Variants in NRXN3 observed in about 807,000 individuals in gnomAD.
NRXN3 encodes the protein neurexin III.
In NRXN3, 32 loss-of-function variants were observed where a neutral mutation model predicts 137.6. The ratio of observed to expected loss-of-function variants is 0.23; its 90% CI spans 0.18 to 0.31. The LOEUF is 0.31. Among genes scored for constraint, NRXN3 ranks in the 10% least tolerant of loss-of-function variants. The probability of loss-of-function intolerance (pLI) is 1.00; values close to 1 mark genes in which losing one functional copy is unlikely to be tolerated. For synonymous variants in NRXN3, 798 were observed against 784.5 expected, an observed-to-expected ratio of 1.02 and a Z score of -0.29; for missense variants, 1,574 against 2,062.5, an observed-to-expected ratio of 0.76 and a Z score of 4.59.
At chr14:78,848,536 A>G (rs1354583259) in intron 10 of NRXN3, among the ~76,000 whole-genome samples, 1 of 152,166 alleles carries the variant, frequency 6.6e-6, no homozygotes, top group Admixed American at 6.6e-5. Flanking sequence ...GAGTTTTAGA[A>G]TACTTTATTT....
At chr14:78,392,221 C>T (rs941398809) in intron 4 of NRXN3, among the ~76,000 whole-genome samples, 76 of 152,256 alleles carry the variant, frequency 5.0e-4, no homozygotes, top group Admixed American at 4.9e-3. Flanking sequence ...ACAGAGATGG[C>T]CTAACCATCC....
intron 4 of NRXN3, among the ~76,000 whole-genome samples, chr14:78,410,858 G>A (rs1006124671): frequency 6.6e-6 from 1 of 152,216 alleles, no homozygotes; most frequent in South Asian, 2.1e-4. Flanking sequence ...GATTAGGGGA[G>A]TTATTAGACA....
chr14:78,344,630 C>T (rs2082508624), intron 4 of NRXN3, among the ~76,000 whole-genome samples: 1 of 152,182 alleles, frequency 6.6e-6, no homozygotes, highest in South Asian at 2.1e-4. Context: ...TTCTTGGGGG[C>T]ACTTTGATAA....
At chr14:79,132,063 C>G (rs1053114968) in intron 15 of NRXN3, among the ~76,000 whole-genome samples, 1 of 152,240 alleles carries the variant, frequency 6.6e-6, no homozygotes, top group Non-Finnish European at 1.5e-5. Context: ...CACCCACTGA[C>G]CTGCGCGCAC....
chr14:79,406,519 T>C (rs2095315970), intron 15 of NRXN3, among the ~76,000 whole-genome samples: 1 of 151,986 alleles, frequency 6.6e-6, no homozygotes, highest in Admixed American at 6.6e-5. Context: ...GCCCAGCTGG[T>C]CTAGATCTCC....
chr14:78,801,457 AG>A (rs1460027693), intron 8 of NRXN3, among the ~76,000 whole-genome samples: 1 of 152,204 alleles, frequency 6.6e-6, no homozygotes, highest in Non-Finnish European at 1.5e-5. Context: ...CTTTTTCACA[AG>A]GCGGCAGGAG....
At chr14:79,532,412 G>C (rs1003885425) in intron 16 of NRXN3, among the ~76,000 whole-genome samples, 4 of 152,004 alleles carry the variant, frequency 2.6e-5, no homozygotes, top group African/African-American at 9.7e-5. Context: ...TTCTTTCATG[G>C]AGCCCCATAG....
At chr14:79,091,097 C>T (rs1292835693) in intron 15 of NRXN3, among the ~76,000 whole-genome samples, 1 of 150,444 alleles carries the variant, frequency 6.6e-6, no homozygotes, top group African/African-American at 2.4e-5. Flanking sequence ...AAAAGTGGTC[C>T]AAAGCAGACA....
intron 2 of NRXN3, among the ~76,000 whole-genome samples, chr14:78,276,758 G>C (rs2073657879): frequency 6.6e-6 from 1 of 152,156 alleles, no homozygotes; most frequent in Admixed American, 6.5e-5. Context: ...AAGGAATTCT[G>C]TCTCCCTGTG....
intron 10 of NRXN3, among the ~76,000 whole-genome samples, chr14:78,950,275 C>A (rs2152943528): frequency 6.6e-6 from 1 of 152,292 alleles, no homozygotes; most frequent in Non-Finnish European, 1.5e-5. Context: ...CTGTCCCCAG[C>A]TTACCACTGC....
At chr14:79,018,282 AAAAAAAAAAAAAAAGAG>A (rs1385825778) in intron 15 of NRXN3, among the ~76,000 whole-genome samples, 5 of 59,754 alleles carry the variant, frequency 8.4e-5, no homozygotes, top group Admixed American at 2.6e-4. Flanking sequence ...AAAAAAAAAA[AAAAAAAAAAAAAAAGAG>A]AGAGAGCAAG....
intron 16 of NRXN3, among the ~76,000 whole-genome samples, chr14:79,590,416 TA>T (rs11419735): frequency 0.018 from 1,682 of 92,276 alleles, 54 homozygotes; most frequent in Admixed American, 0.092. Flanking sequence ...TTTCTTTTGT[TA>T]AAAAAAAAAA....
chr14:78,852,857 TTG>T, intron 10 of NRXN3, among the ~76,000 whole-genome samples: 1 of 151,626 alleles, frequency 6.6e-6, no homozygotes. Flanking sequence ...GTAACACATT[TTG>T]TGTGTGTGTG....
At chr14:78,446,210 T>C (rs780032014) in intron 4 of NRXN3, among the ~76,000 whole-genome samples, 1 of 152,208 alleles carries the variant, frequency 6.6e-6, no homozygotes, top group South Asian at 2.1e-4. Context: ...GCTTTAGATT[T>C]TTGGGCTACT....
intron 15 of NRXN3, among the ~76,000 whole-genome samples, chr14:79,016,957 G>C (rs1405481942): frequency 6.6e-6 from 1 of 152,146 alleles, no homozygotes. Flanking sequence ...ATGGGGAAAA[G>C]GCTCGTGGGC....
chr14:78,867,398 A>C (rs191687146), intron 10 of NRXN3, among the ~76,000 whole-genome samples: 2 of 152,334 alleles, frequency 1.3e-5, no homozygotes, highest in African/African-American at 4.8e-5. Flanking sequence ...TCTATTCTGT[A>C]TTCATAGAAA....
chr14:79,174,503 A>T (rs923923493), intron 15 of NRXN3, among the ~76,000 whole-genome samples: 1 of 146,324 alleles, frequency 6.8e-6, no homozygotes, highest in Non-Finnish European at 1.5e-5. Context: ...TGAAAGTTTT[A>T]TATATATATA....
intron 4 of NRXN3, among the ~76,000 whole-genome samples, chr14:78,334,800 G>T (rs2081262981): frequency 6.6e-6 from 1 of 152,236 alleles, no homozygotes; most frequent in South Asian, 2.1e-4. Context: ...CCCTGTTGGA[G>T]TAAGAGGGAC....
rs112119078 is a variant in NRXN3, at chr14:79,648,208, AC to A, written c.3445-15569del. Among the ~76,000 whole-genome samples, 74 of 132,652 alleles carry A rather than the reference AC, an allele frequency of 5.6e-4. 2 individuals carry two copies. The highest frequency in any genetic ancestry group is 3.9e-3 in the Middle Eastern group (1 of 254). 87.0% of individuals were successfully genotyped at this position (132,652 alleles called of 152,430 possible). A position where few individuals can be genotyped will look rare whatever the true frequency, so the allele number is the denominator to read the frequency against. On this transcript the variant is annotated intron_variant, in intron 16 of 20. Transcript: ENST00000335750. The stretch of plus-strand genomic sequence containing the variant: ...ACAAAACAAACAAACAAACAAACAA[AC>A]AAAAAACAGAAAACTTGATGATAAA...
Sources: gnomAD v4.1 joint callset for allele counts (sites outside exome capture counted in the v4.1 genomes callset) on GRCh38, gnomAD v4.1.1 for gene constraint, MANE v1.5 for transcripts, NCBI Gene and HGNC (gene_info 2026-07-23, HGNC 2026-07-21) for gene names.